The following TULP4 variants were observed in gnomAD, a reference collection of about 807,000 sequenced individuals.
TULP4 encodes tubby-related protein 4.
A neutral mutation model predicts 129.0 loss-of-function variants in TULP4; 16 were observed. The observed-to-expected ratio is 0.12, with a 90% CI of 0.08 to 0.19. TULP4 has a LOEUF of 0.19. Among genes scored for constraint, TULP4 ranks in the 10% least tolerant of loss-of-function variants. The pLI is 1.00. For missense variants in TULP4, 1,842 were observed against 2,059.1 expected (o/e 0.89, Z 2.04); for synonymous variants, 998 against 854.0 (o/e 1.17, Z -2.94).
chr6:158,415,672 T>TA lies in TULP4; in HGVS notation c.381+2495dup, dbSNP rs780644785. 6.2e-3 allele frequency among the ~76,000 whole-genome samples: 866 copies of TA among 139,788 alleles called. 9 individuals carry two copies. Among genetic ancestry groups the TA allele is most frequent in the African/African-American group, 0.02 (734 of 37,280 alleles). The allele number at this position is 139,788 out of a possible 152,430, so 91.7% of individuals were successfully genotyped here. On this transcript the variant is annotated intron_variant, in intron 2 of 13. Transcript: ENST00000367097. ...ACTGCGCCCGGCCGCTTCTACTTAT[T>TA]AAAAAAAAAAAAAAAAGTTAGCAGT...
intron 1 of TULP4, among the ~76,000 whole-genome samples, chr6:158,396,606 C>T: frequency 6.6e-6 from 1 of 152,126 alleles, no homozygotes; most frequent in East Asian, 1.9e-4. Context: ...TATGTAATTA[C>T]ATATATGAAA....
chr6:158,479,622 A>G, intron 6 of TULP4, 129 bp from the exon 7 acceptor site: 1 of 817,676 alleles, frequency 1.2e-6, no homozygotes, highest in Non-Finnish European at 1.9e-6. Flanking sequence ...AACATTCTCT[A>G]CTGTGCTTTT....
intron 1 of TULP4, among the ~76,000 whole-genome samples, chr6:158,273,360 TTC>T (rs148361206): frequency 0.15 from 23,228 of 151,994 alleles, 2,439 homozygotes; most frequent in East Asian, 0.43. Context: ...TGACGTGGGG[TTC>T]CACAGGGCTC....
chr6:158,275,564 C>A (rs772961392), intron 1 of TULP4, among the ~76,000 whole-genome samples: 3 of 152,188 alleles, frequency 2.0e-5, no homozygotes, highest in Admixed American at 6.5e-5. Flanking sequence ...CCCATTCTAA[C>A]CCACGGCAGC....
chr6:158,299,564 C>G (rs1007530776), intron 1 of TULP4, among the ~76,000 whole-genome samples: 1 of 152,096 alleles, frequency 6.6e-6, no homozygotes, highest in African/African-American at 2.4e-5. Context: ...GTAAGCAGCC[C>G]AGACTTGAGT....
intron 11 of TULP4, among the ~76,000 whole-genome samples, chr6:158,497,135 G>A (rs898486406): frequency 6.6e-6 from 1 of 152,186 alleles, no homozygotes; most frequent in Non-Finnish European, 1.5e-5. Context: ...TTACAGGTGC[G>A]AGCTACCATG....
chr6:158,251,655 C>T (rs1367358711), intron 1 of TULP4, among the ~76,000 whole-genome samples: 1 of 152,114 alleles, frequency 6.6e-6, no homozygotes, highest in Non-Finnish European at 1.5e-5. Context: ...ATATGTGAGT[C>T]TCTCTAAAAA....
intron 8 of TULP4, 87 bp from the exon 9 acceptor site, chr6:158,489,501 G>A (rs1010490359): frequency 2.7e-5 from 41 of 1,521,450 alleles, no homozygotes; most frequent in African/African-American, 4.1e-5. Context: ...TGTGGAGTCC[G>A]TCTGTCTTTT....
intron 1 of TULP4, among the ~76,000 whole-genome samples, chr6:158,266,961 TC>T: frequency 6.6e-6 from 1 of 152,190 alleles, no homozygotes; most frequent in Non-Finnish European, 1.5e-5. Flanking sequence ...ATCAAACACT[TC>T]CCTTTTACCC....
At chr6:158,272,816 TTACTA>T (rs1205440579) in intron 1 of TULP4, among the ~76,000 whole-genome samples, 1 of 152,254 alleles carries the variant, frequency 6.6e-6, no homozygotes, top group Non-Finnish European at 1.5e-5. Context: ...TTGTGTAACT[TTACTA>T]TAGTAGATGT....
At chr6:158,290,587 TC>T (rs1778920272) in intron 1 of TULP4, among the ~76,000 whole-genome samples, 1 of 152,184 alleles carries the variant, frequency 6.6e-6, no homozygotes, top group African/African-American at 2.4e-5. Context: ...TGCTCCCACC[TC>T]CCTTCTGTTT....
chr6:158,322,572 C>T (rs565499883), intron 1 of TULP4, among the ~76,000 whole-genome samples: 2 of 152,124 alleles, frequency 1.3e-5, no homozygotes, highest in Non-Finnish European at 2.9e-5. Context: ...AAGTATATTA[C>T]TTTCCAGTCC....
chr6:158,486,004 T>C (rs1780055542), intron 8 of TULP4, among the ~76,000 whole-genome samples: 1 of 152,214 alleles, frequency 6.6e-6, no homozygotes, highest in Admixed American at 6.5e-5. Context: ...ACAATTTAAA[T>C]GAGATTCTGG....
At chr6:158,344,430 A>G (rs1281802946) in intron 1 of TULP4, among the ~76,000 whole-genome samples, 4 of 152,204 alleles carry the variant, frequency 2.6e-5, no homozygotes, top group Non-Finnish European at 5.9e-5. Flanking sequence ...TCCCGCATCA[A>G]GCAAGTCTTT....
At chr6:158,505,627 T>TGA (rs1180165844) in intron 13 of TULP4, among the ~76,000 whole-genome samples, 2 of 152,214 alleles carry the variant, frequency 1.3e-5, no homozygotes, top group Non-Finnish European at 1.5e-5. Flanking sequence ...CAGAGGCGGA[T>TGA]GAGTGCAGCC....
chr6:158,472,530 C>G (rs1257464159), intron 6 of TULP4, among the ~76,000 whole-genome samples: 2 of 152,062 alleles, frequency 1.3e-5, no homozygotes, highest in African/African-American at 4.8e-5. Flanking sequence ...ATATTTAGCA[C>G]CAGTTTAACT....
At chr6:158,404,388 CTT>C (rs962755278) in intron 1 of TULP4, among the ~76,000 whole-genome samples, 6 of 152,060 alleles carry the variant, frequency 3.9e-5, no homozygotes, top group African/African-American at 1.4e-4. Flanking sequence ...CCAGGGATCT[CTT>C]TGGTGTATGT....
chr6:158,399,274 GCTAAT>G (rs1248264536), intron 1 of TULP4, among the ~76,000 whole-genome samples: 3 of 152,324 alleles, frequency 2.0e-5, no homozygotes, highest in Non-Finnish European at 4.4e-5. Context: ...ATGCTGAACA[GCTAAT>G]CCAGTGACCT....
At chr6:158,442,373 G>C (rs560886140) in intron 3 of TULP4, among the ~76,000 whole-genome samples, 1 of 152,130 alleles carries the variant, frequency 6.6e-6, no homozygotes, top group Admixed American at 6.5e-5. Flanking sequence ...GCAGAATGAT[G>C]AACCTTACTA....
Sources: allele counts gnomAD v4.1 joint callset (sites outside exome capture counted in the v4.1 genomes callset), GRCh38; gene constraint gnomAD v4.1.1; transcripts MANE v1.5; gene names NCBI Gene and HGNC (gene_info 2026-07-23, HGNC 2026-07-21).